Variants in SNTG1 observed in about 807,000 individuals in gnomAD.
The protein encoded by SNTG1 is syntrophin gamma 1, also known as gamma-1-syntrophin.
SNTG1 carries 39 observed loss-of-function variants against 74.7 expected under a neutral mutation model. The observed-to-expected ratio is 0.52, with a 90% CI of 0.40 to 0.68. The LOEUF (loss-of-function observed/expected upper bound fraction) is 0.68, where lower values mean the gene tolerates loss of function less well. SNTG1 is among the 30% of genes least tolerant of loss of function. The pLI is 0.00. For missense variants in SNTG1, 685 were observed against 609.5 expected (o/e 1.12, Z -1.30); for synonymous variants, 254 against 217.1 (o/e 1.17, Z -1.49).
intron 1 of SNTG1, among the ~76,000 whole-genome samples, chr8:50,125,109 T>A (rs1213576835): frequency 7.0e-6 from 1 of 142,206 alleles, no homozygotes; most frequent in Non-Finnish European, 1.6e-5. Context: ...TAGTCCAGAG[T>A]TCTGTAAAAA....
chr8:50,793,824 A>AT lies in SNTG1; in HGVS notation c.*1001dup, dbSNP rs1041118021. On this transcript the variant is annotated 3_prime_UTR_variant, in exon 19 of 19. Transcript: ENST00000642720. ...CTATTATAGATGTTAATTAAATGAC[A>AT]TTTTTTCATTTTAGTACTATTTTAT... 2.6e-5 allele frequency: 4 copies of AT among 151,904 alleles called. No homozygotes were observed. Among genetic ancestry groups the AT allele is most frequent in the African/African-American group, 9.7e-5 (4 of 41,412 alleles). The allele number at this position is 151,904 out of a possible 1,614,324, so 9.4% of individuals were successfully genotyped here. A position where few individuals can be genotyped will look rare whatever the true frequency, so the allele number is the denominator to read the frequency against.
intron 1 of SNTG1, among the ~76,000 whole-genome samples, chr8:50,111,339 T>TG (rs1444906332): frequency 6.6e-6 from 1 of 152,046 alleles, no homozygotes; most frequent in Non-Finnish European, 1.5e-5. Flanking sequence ...CGTCATAAGG[T>TG]GGGGGTCTTA....
intron 2 of SNTG1, among the ~76,000 whole-genome samples, chr8:50,226,413 GT>G (rs370358166): frequency 0.014 from 2,126 of 152,074 alleles, 38 homozygotes; most frequent in African/African-American, 0.042. Flanking sequence ...AAGATAGCTA[GT>G]TTTTTTTCTT....
rs550554703 is a variant in SNTG1, at chr8:50,357,967, C to T, written c.-27-36245C>T. ...GTAATTAGAAGTTTTATTTGTTTTC[C>T]CTTTTTGTGTTTTTTTTTACTATTT... On this transcript the variant is annotated intron_variant, in intron 2 of 18. Coordinates refer to ENST00000642720, the MANE Select transcript of SNTG1 (RefSeq NM_018967.5). Among the ~76,000 whole-genome samples, 3 of 151,246 alleles carry T rather than the reference C, an allele frequency of 2.0e-5. No individual in the cohort carries two copies. The South Asian group carries it at 6.3e-4, about 32-fold the overall frequency.
intron 5 of SNTG1, among the ~76,000 whole-genome samples, chr8:50,441,451 C>T (rs1050486233): frequency 6.6e-6 from 1 of 152,108 alleles, no homozygotes; most frequent in African/African-American, 2.4e-5. Flanking sequence ...GACTTTAACT[C>T]TTCCCTTGAT....
rs1014721669 is a variant in SNTG1, at chr8:50,685,470, G to T, written c.1039-19130G>T. On this transcript the variant is annotated intron_variant, in intron 15 of 18. Transcript: ENST00000642720. ...ATAATACAAAAAACTGTGGATGGTGGTTATATTTTTTAAAAAACATATTTT... is the reference window on the plus strand; with the variant it reads ...ATAATACAAAAAACTGTGGATGGTGTTTATATTTTTTAAAAAACATATTTT... 9.9e-5 allele frequency among the ~76,000 whole-genome samples: 15 copies of T among 152,162 alleles called. No homozygotes were observed. In the East Asian group the frequency reaches 2.9e-3, roughly 29 times the overall value.
chr8:49,945,581 G>A (rs1321767994), intron 1 of SNTG1, among the ~76,000 whole-genome samples: 3 of 152,160 alleles, frequency 2.0e-5, no homozygotes, highest in African/African-American at 7.2e-5. Flanking sequence ...GATGACCCGT[G>A]TTCAGCTGAT....
At chr8:50,144,588 G>C (rs866447509) in intron 1 of SNTG1, among the ~76,000 whole-genome samples, 12 of 152,234 alleles carry the variant, frequency 7.9e-5, no homozygotes, top group African/African-American at 2.4e-4. Context: ...GTGAATTGGA[G>C]GGCTCAAAAA....
intron 4 of SNTG1, among the ~76,000 whole-genome samples, chr8:50,414,423 T>G (rs2092989346): frequency 6.6e-6 from 1 of 151,996 alleles, no homozygotes; most frequent in African/African-American, 2.4e-5. Flanking sequence ...ATAGGAATGG[T>G]TTTTCATACT....
chr8:49,972,249 A>G (rs1585718541), intron 1 of SNTG1, among the ~76,000 whole-genome samples: 2 of 152,354 alleles, frequency 1.3e-5, no homozygotes, highest in South Asian at 2.1e-4. Context: ...AAACCTGACA[A>G]AAACAAGAAA....
chr8:50,653,538 A>C (rs2095161640), intron 13 of SNTG1, among the ~76,000 whole-genome samples: 1 of 151,866 alleles, frequency 6.6e-6, no homozygotes, highest in African/African-American at 2.4e-5. Flanking sequence ...TGTGCCTTAC[A>C]TTTTTCCGCC....
At chr8:50,470,769 C>T (rs184278291) in intron 8 of SNTG1, among the ~76,000 whole-genome samples, 1 of 152,148 alleles carries the variant, frequency 6.6e-6, no homozygotes, top group South Asian at 2.1e-4. Flanking sequence ...AAAGAGTGAG[C>T]AGCAGCAAGA....
intron 14 of SNTG1, among the ~76,000 whole-genome samples, chr8:50,658,339 G>A (rs2095196615): frequency 6.6e-6 from 1 of 151,930 alleles, no homozygotes; most frequent in Admixed American, 6.6e-5. Context: ...AGATATATAA[G>A]GACACTGGGC....
intron 1 of SNTG1, among the ~76,000 whole-genome samples, chr8:50,009,176 C>A (rs1764030402): frequency 6.6e-6 from 1 of 152,072 alleles, no homozygotes; most frequent in Admixed American, 6.6e-5. Context: ...TTCTATATGG[C>A]CTGCATGCTA....
At chr8:50,099,122 A>C (rs532741437) in intron 1 of SNTG1, among the ~76,000 whole-genome samples, 1 of 152,284 alleles carries the variant, frequency 6.6e-6, no homozygotes, top group Non-Finnish European at 1.5e-5. Flanking sequence ...GTAAAATTTC[A>C]GACTCTGTGT....
chr8:50,048,125 A>T (rs1229254533), intron 1 of SNTG1, among the ~76,000 whole-genome samples: 1 of 152,158 alleles, frequency 6.6e-6, no homozygotes, highest in African/African-American at 2.4e-5. Flanking sequence ...AAGTAATTTA[A>T]ATTTATTTAT....
At chr8:50,286,931 T>C (rs1391425889) in intron 2 of SNTG1, 1 of 152,158 alleles carries the variant, frequency 6.6e-6, no homozygotes, top group Admixed American at 6.6e-5. Context: ...TGTTGCTTGT[T>C]TTAGACCTAA....
chr8:50,293,216 T>C (rs1176184739), intron 2 of SNTG1, among the ~76,000 whole-genome samples: 1 of 152,160 alleles, frequency 6.6e-6, no homozygotes, highest in Non-Finnish European at 1.5e-5. Context: ...GTCCCTGTGA[T>C]TCTGAAGGCT....
chr8:50,517,616 CAAA>C (rs1161724778), intron 9 of SNTG1, among the ~76,000 whole-genome samples: 118 of 62,346 alleles, frequency 1.9e-3, no homozygotes, highest in African/African-American at 4.8e-3. Context: ...AAATGGAAAG[CAAA>C]AAAAAAAAAA....
Sources: allele counts gnomAD v4.1 joint callset (sites outside exome capture counted in the v4.1 genomes callset), GRCh38; gene constraint gnomAD v4.1.1; transcripts MANE v1.5; gene names NCBI Gene and HGNC (gene_info 2026-07-23, HGNC 2026-07-21).